The following SNRPN variants were observed in gnomAD, a reference collection of about 807,000 sequenced individuals.
SNRPN encodes the protein small nuclear ribonucleoprotein-associated protein N.
In SNRPN, 7 loss-of-function variants were observed where a neutral mutation model predicts 25.2. That is an observed-to-expected ratio of 0.28 (90% confidence interval 0.16 to 0.52). The LOEUF (loss-of-function observed/expected upper bound fraction) is 0.52. SNRPN is among the 20% of genes least tolerant of loss of function. The pLI, the probability that SNRPN is intolerant of heterozygous loss-of-function variation, is 0.96. For missense variants in SNRPN, 196 were observed against 322.5 expected, an observed-to-expected ratio of 0.61 and a Z score of 3.00; for synonymous variants, 124 against 110.6, an observed-to-expected ratio of 1.12 and a Z score of -0.76.
intron 1 of SNRPN, among the ~76,000 whole-genome samples, chr15:24,872,601 C>G (rs2055270332): frequency 8.7e-6 from 1 of 114,738 alleles, no homozygotes; most frequent in Non-Finnish European, 1.9e-5. Flanking sequence ...AAAAAATTAG[C>G]TGAGTGTGAT....
chr15:24,914,247 C>A (rs1036590860), intron 2 of SNRPN, among the ~76,000 whole-genome samples: 3 of 152,162 alleles, frequency 2.0e-5, no homozygotes, highest in African/African-American at 7.2e-5. Flanking sequence ...ATATTCTGGC[C>A]TCCCACAAGA....
At chr15:24,954,819 C>T (rs1449900319), upstream of SNRPN, 3 of 610,790 alleles carry the variant, frequency 4.9e-6, no homozygotes, top group Non-Finnish European at 8.7e-6. Flanking sequence ...TGCTGTGGGG[C>T]CCTAGGGGTC....
At chr15:24,967,237 C>T (rs576503026) in intron 2 of SNRPN, 1 of 152,382 alleles carries the variant, frequency 6.6e-6, no homozygotes, top group South Asian at 2.1e-4. Context: ...TATTTCTAGA[C>T]TTGGTAAGTA....
intron 2 of SNRPN, among the ~76,000 whole-genome samples, chr15:24,918,394 GTA>G (rs1233476268): frequency 8.1e-5 from 7 of 86,432 alleles, no homozygotes; most frequent in African/African-American, 1.3e-4. Context: ...ATATATATGT[GTA>G]TATATATAAC....
intron 1 of SNRPN, among the ~76,000 whole-genome samples, chr15:24,874,309 C>CTTA (rs745673483): frequency 1.3e-3 from 82 of 61,434 alleles, no homozygotes; most frequent in African/African-American, 5.9e-3. Flanking sequence ...GACTCTGTCT[C>CTTA]AAAAAAAAAA....
chr15:24,976,790 A>G, intron 6 of SNRPN, 87 bp from the exon 7 acceptor site: 1 of 1,211,778 alleles, frequency 8.3e-7, no homozygotes, highest in South Asian at 1.3e-5. Context: ...TCATGGGAAA[A>G]TGGTGGAGAG....
chr15:24,857,745 C>A (rs916867037), intron 1 of SNRPN, among the ~76,000 whole-genome samples: 1 of 152,022 alleles, frequency 6.6e-6, no homozygotes, highest in Non-Finnish European at 1.5e-5. Flanking sequence ...TAGACAGAGC[C>A]GATTTATCAA....
chr15:24,824,064 T>C (rs1013725551), intron 1 of SNRPN, among the ~76,000 whole-genome samples: 2 of 152,114 alleles, frequency 1.3e-5, no homozygotes, highest in Non-Finnish European at 1.5e-5. Flanking sequence ...AATAGCACTT[T>C]ATTAAGAAAG....
At chr15:24,974,872 T>C in intron 4 of SNRPN, 1 of 701,152 alleles carries the variant, frequency 1.4e-6, no homozygotes, top group Non-Finnish European at 2.6e-6. Flanking sequence ...CCATGAGAAA[T>C]GTTTCATGAT....
chr15:24,915,158 C>G (rs140262151), intron 2 of SNRPN, among the ~76,000 whole-genome samples: 26,677 of 151,752 alleles, frequency 0.18, 2,523 homozygotes, highest in South Asian at 0.27. Context: ...GACAGAGTCT[C>G]GCTCTGTCAT....
intron 3 of SNRPN, among the ~76,000 whole-genome samples, chr15:24,937,173 G>A (rs1482861867): frequency 2.0e-5 from 3 of 151,880 alleles, no homozygotes; most frequent in Non-Finnish European, 4.4e-5. Context: ...CCAGGGAGCC[G>A]GAGATTGCAG....
chr15:24,883,657 T>C (rs2056936804), intron 1 of SNRPN, among the ~76,000 whole-genome samples: 1 of 152,156 alleles, frequency 6.6e-6, no homozygotes, highest in African/African-American at 2.4e-5. Flanking sequence ...TGTGGATATA[T>C]GTTTTATTAT....
chr15:24,825,036 T>G (rs1281854047), intron 1 of SNRPN, among the ~76,000 whole-genome samples: 1 of 152,030 alleles, frequency 6.6e-6, no homozygotes, highest in Non-Finnish European at 1.5e-5. Context: ...AAAGCGATTC[T>G]GGGGGGCACT....
intron 2 of SNRPN, among the ~76,000 whole-genome samples, chr15:24,908,699 T>G (rs1325877297): frequency 6.6e-6 from 1 of 152,156 alleles, no homozygotes; most frequent in Non-Finnish European, 1.5e-5. Context: ...GTTACAAGTT[T>G]TTTTCTAGTG....
chr15:24,893,863 A>C (rs1228765533), intron 2 of SNRPN, among the ~76,000 whole-genome samples: 32 of 152,284 alleles, frequency 2.1e-4, no homozygotes. Context: ...AAAAAGGAAA[A>C]GAGAAAAAGG....
At chr15:24,831,105 C>G (rs947885334) in intron 2 of SNRPN, among the ~76,000 whole-genome samples, 2 of 151,934 alleles carry the variant, frequency 1.3e-5, no homozygotes, top group Non-Finnish European at 2.9e-5. Flanking sequence ...GACTGATGCC[C>G]TGTTGCTCTG....
intron 2 of SNRPN, among the ~76,000 whole-genome samples, chr15:24,912,120 G>C (rs1478498996): frequency 1.3e-5 from 2 of 152,150 alleles, no homozygotes; most frequent in Non-Finnish European, 2.9e-5. Context: ...TGTGGGACAT[G>C]TTACCCCTAT....
rs150064901 is a variant in SNRPN, at chr15:24,898,163, AAAAAAC to A, written c.-505+11592_-505+11597del. On this transcript the variant is annotated intron_variant, in intron 2 of 11. Coordinates refer to the SNRPN transcript ENST00000400097. ...AATCTTGTGGGAGAAGCACTTGGAA[AAAAAAC>A]AAAAACAAAAACAAAAAACAGAGAC... is the stretch of plus-strand genomic sequence containing the variant. Among the ~76,000 whole-genome samples the A allele has an allele frequency of 5.3e-3, 813 of 152,320 alleles. 6 individuals carry two copies. The highest frequency in any genetic ancestry group is 0.018 in the African/African-American group (750 of 41,588).
chr15:24,894,465 C>T (rs11855725), intron 2 of SNRPN, among the ~76,000 whole-genome samples: 32,630 of 152,052 alleles, frequency 0.21, 3,816 homozygotes, highest in Middle Eastern at 0.28. Context: ...GTGATCCGCC[C>T]GCCTCGGCCT....
Sources: gnomAD v4.1 joint callset for allele counts (sites outside exome capture counted in the v4.1 genomes callset) on GRCh38, gnomAD v4.1.1 for gene constraint, MANE v1.5 for transcripts, NCBI Gene and HGNC (gene_info 2026-07-23, HGNC 2026-07-21) for gene names.